Variants in EVC observed in about 807,000 individuals in gnomAD.
The protein encoded by EVC is evC complex member EVC.
Under a neutral mutation model 118.9 loss-of-function variants are expected in EVC, and 116 were observed. The ratio of observed to expected loss-of-function variants is 0.98; its 90% CI spans 0.84 to 1.14. The LOEUF is 1.14. EVC is among the 50% of genes most tolerant of loss of function. EVC has a pLI of 0.00. For synonymous variants in EVC, 619 were observed against 534.7 expected (o/e 1.16, Z -2.18); for missense variants, 1,401 against 1,246.4 (o/e 1.12, Z -1.87).
chr4:5,795,932 C>G (rs1413262179), intron 13 of EVC, among the ~76,000 whole-genome samples: 2 of 152,222 alleles, frequency 1.3e-5, no homozygotes. Flanking sequence ...TTCTGGGACT[C>G]CAGTGACAGG....
Position 5,798,804 on chromosome 4 carries a change from C to A in EVC, c.2304+12C>A, listed in dbSNP as rs1167130535. 1.9e-6 allele frequency: 3 copies of A among 1,609,094 alleles called. No individual in the cohort carries two copies. The highest frequency in any genetic ancestry group is 2.7e-5 in the African/African-American group (2 of 74,844). ...GGGATGACTTCAAGGTATGCACTGA[C>A]CTCTGTCCCTGGGGACACCGAGGGC... On this transcript the variant is annotated intron_variant, in intron 15 of 20. Transcript: ENST00000264956. The surrounding 1 kb of genome is among the most constrained non-coding windows in gnomAD (Gnocchi z 4.1).
At chr4:5,770,415 C>A (rs189210704) in intron 11 of EVC, among the ~76,000 whole-genome samples, 1 of 152,286 alleles carries the variant, frequency 6.6e-6, no homozygotes, top group Admixed American at 6.5e-5. Context: ...AGGTGACATA[C>A]CAGGGGCCAA....
the EVC span, among the ~76,000 whole-genome samples, chr4:5,820,024 G>T: frequency 1.3e-5 from 2 of 152,296 alleles, no homozygotes; most frequent in East Asian, 3.9e-4. Context: ...TTAGGAGCAA[G>T]GAGCTTTGGA....
At chr4:5,782,056 AGTTC>A (rs755461548) in intron 11 of EVC, among the ~76,000 whole-genome samples, 14 of 152,058 alleles carry the variant, frequency 9.2e-5, no homozygotes, top group Admixed American at 5.2e-4. Flanking sequence ...TGACCTGTAA[AGTTC>A]CATGTTTTTT....
In EVC at chr4:5,740,470, C is replaced by CAA. The variant is rs59318619; in HGVS notation, c.703-1230_703-1229dup. 9.5e-5 allele frequency among the ~76,000 whole-genome samples: 10 copies of CAA among 105,562 alleles called. No individual in the cohort carries two copies. The South Asian group carries it at 1.2e-3, about 12-fold the overall frequency. 69.3% of individuals were successfully genotyped at this position (105,562 alleles called of 152,430 possible). A position where few individuals can be genotyped will look rare whatever the true frequency, so the allele number is the denominator to read the frequency against. On this transcript the variant is annotated intron_variant, in intron 5 of 20. Transcript: ENST00000264956. ...TGGACGACAGACTGATACTCCATCT[C>CAA]AAAAAAAAAAAAAAAAAGAAAAAGA...
chr4:5,821,787 G>C, the EVC span: 1 of 1,611,226 alleles, frequency 6.2e-7, no homozygotes, highest in Middle Eastern at 1.7e-4. The surrounding 1 kb of genome is among the most constrained non-coding windows in gnomAD (Gnocchi z 4.4). Context: ...TGTTGGAGCG[G>C]CCACCAGGGG....
At chr4:5,771,039 A>T (rs973162023) in intron 11 of EVC, among the ~76,000 whole-genome samples, 1 of 151,984 alleles carries the variant, frequency 6.6e-6, no homozygotes, top group Non-Finnish European at 1.5e-5. Flanking sequence ...AAAATACATC[A>T]ATGCATCAGC....
At chr4:5,733,328 C>T in intron 4 of EVC, 23 bp from the exon 5 acceptor site, 1 of 1,602,750 alleles carries the variant, frequency 6.2e-7, no homozygotes, top group Non-Finnish European at 8.5e-7. Flanking sequence ...AAAGTCTTTT[C>T]CGCTTCTCAT....
chr4:5,722,308 A>G (rs952184665), intron 2 of EVC, among the ~76,000 whole-genome samples: 4 of 152,148 alleles, frequency 2.6e-5, no homozygotes, highest in South Asian at 4.2e-4. Flanking sequence ...CTGCCTAGTA[A>G]TGTCTTGTTC....
At chr4:5,780,010 C>T (rs538040792) in intron 11 of EVC, among the ~76,000 whole-genome samples, 43 of 151,702 alleles carry the variant, frequency 2.8e-4, no homozygotes, top group Admixed American at 2.0e-4. Flanking sequence ...TTTTGAGATA[C>T]GTCCCATCAA....
At chr4:5,828,367 G>A in the EVC span, 2 of 1,445,126 alleles carry the variant, frequency 1.4e-6, no homozygotes, top group South Asian at 1.5e-5. Flanking sequence ...TAACAGATAA[G>A]GAAACGGAGG....
At chr4:5,828,440 G>T in the EVC span, 1 of 1,591,490 alleles carries the variant, frequency 6.3e-7, no homozygotes, top group Non-Finnish European at 8.6e-7. Context: ...AAGAGACGCT[G>T]TCGGCTCTGG....
intron 3 of EVC, 92 bp downstream of exon 3, chr4:5,729,482 T>A: frequency 8.0e-7 from 1 of 1,256,462 alleles, no homozygotes; most frequent in South Asian, 1.2e-5. Context: ...TGTGTGATGT[T>A]TGGTCCTGTT....
intron 11 of EVC, among the ~76,000 whole-genome samples, chr4:5,779,450 A>C (rs1469634641): frequency 6.7e-6 from 1 of 149,764 alleles, no homozygotes; most frequent in Non-Finnish European, 1.5e-5. Flanking sequence ...CATTTTCACG[A>C]TATTGATTCT....
intron 12 of EVC, among the ~76,000 whole-genome samples, chr4:5,791,598 A>G (rs1035623739): frequency 6.6e-6 from 1 of 152,192 alleles, no homozygotes; most frequent in Non-Finnish European, 1.5e-5. Flanking sequence ...CAAATTAAAT[A>G]TACAACTTAA....
chr4:5,718,450 C>T (rs537391487), intron 1 of EVC, among the ~76,000 whole-genome samples: 2 of 152,286 alleles, frequency 1.3e-5, no homozygotes, highest in East Asian at 3.9e-4. Context: ...GGAGACTAGA[C>T]AGCACTTCTG....
chr4:5,783,527 C>T (rs779068779), intron 11 of EVC, 25 bp from the exon 12 acceptor site: 1 of 1,612,804 alleles, frequency 6.2e-7, no homozygotes, highest in Non-Finnish European at 8.5e-7. Context: ...TGACCTGTAA[C>T]CCCATCTGTG....
At chr4:5,794,367 A>C (rs1374062773) in intron 13 of EVC, among the ~76,000 whole-genome samples, 1 of 140,870 alleles carries the variant, frequency 7.1e-6, no homozygotes, top group Non-Finnish European at 1.5e-5. Flanking sequence ...ATGTATTTAT[A>C]TTTATATACA....
At chr4:5,712,880 A>T (rs1723271841) in intron 1 of EVC, among the ~76,000 whole-genome samples, 1 of 152,194 alleles carries the variant, frequency 6.6e-6, no homozygotes, top group African/African-American at 2.4e-5. Context: ...GTTTATAGAC[A>T]TCTGGTTCTT....
Sources: gnomAD v4.1 joint callset for allele counts (sites outside exome capture counted in the v4.1 genomes callset) on GRCh38, gnomAD v4.1.1 for gene constraint, Gnocchi (gnomAD v3.1) non-coding constraint, MANE v1.5 for transcripts, NCBI Gene and HGNC (gene_info 2026-07-23, HGNC 2026-07-21) for gene names.